PTPRK: variants seen among roughly 807,000 people sequenced by gnomAD.
The protein encoded by PTPRK is protein tyrosine phosphatase receptor type K.
PTPRK carries 75 observed loss-of-function variants against 178.0 expected under a neutral mutation model. That is an observed-to-expected ratio of 0.42 (90% CI 0.35 to 0.51). The LOEUF (loss-of-function observed/expected upper bound fraction) is 0.51, where lower values mean the gene tolerates loss of function less well. PTPRK is among the 20% of genes least tolerant of loss of function. PTPRK has a pLI of 0.02. For synonymous variants in PTPRK, 637 were observed against 620.6 expected (o/e 1.03, Z -0.39); for missense variants, 1,441 against 1,797.8 (o/e 0.80, Z 3.59).
intron 13 of PTPRK, chr6:128,062,084 T>C (rs1450605342): frequency 3.3e-5 from 5 of 152,302 alleles, no homozygotes; most frequent in African/African-American, 4.8e-5. Context: ...GAAAACTTTT[T>C]ATTTTCATAT....
intron 5 of PTPRK, among the ~76,000 whole-genome samples, chr6:128,221,133 C>T (rs1310112217): frequency 6.6e-6 from 1 of 152,080 alleles, no homozygotes; most frequent in Non-Finnish European, 1.5e-5. Flanking sequence ...GGTGGTGGTA[C>T]ATTAATGGCT....
At chr6:128,002,087 C>T (rs1449473964) in intron 15 of PTPRK, among the ~76,000 whole-genome samples, 2 of 151,512 alleles carry the variant, frequency 1.3e-5, no homozygotes, top group African/African-American at 2.4e-5. Context: ...AGAACATTGA[C>T]TTTTCAGATT....
chr6:128,132,363 A>G (rs1794383220), intron 7 of PTPRK, among the ~76,000 whole-genome samples: 1 of 152,112 alleles, frequency 6.6e-6, no homozygotes, highest in Non-Finnish European at 1.5e-5. Context: ...TTTAGTAGAG[A>G]TGGGGTTTCA....
intron 1 of PTPRK, among the ~76,000 whole-genome samples, chr6:128,439,820 C>T (rs928535008): frequency 6.6e-6 from 1 of 152,156 alleles, no homozygotes; most frequent in Non-Finnish European, 1.5e-5. Context: ...TGTGCTAATT[C>T]CAAGCTACTA....
chr6:128,443,904 G>A (rs1167120794), intron 1 of PTPRK, among the ~76,000 whole-genome samples: 1 of 152,058 alleles, frequency 6.6e-6, no homozygotes, highest in Non-Finnish European at 1.5e-5. Context: ...CCAAGCTGGA[G>A]TGCACTGGCA....
In PTPRK at chr6:128,165,775, T is replaced by C. The variant is rs556720397; in HGVS notation, c.1162+18657A>G. 9.2e-5 allele frequency among the ~76,000 whole-genome samples: 14 copies of C among 151,592 alleles called. No individual in the cohort carries two copies. In the East Asian group the frequency reaches 2.3e-3, roughly 25 times the overall value. ...TAAATTCATAAGGTACTATGAATACTCAAGCATTTATGAAAAATTAATGAA... is the reference window on the plus strand; with the variant it reads ...TAAATTCATAAGGTACTATGAATACCCAAGCATTTATGAAAAATTAATGAA... On this transcript the variant is annotated intron_variant, in intron 7 of 29. Coordinates refer to ENST00000368226, the MANE Select transcript of PTPRK (RefSeq NM_002844.4).
chr6:128,121,114 C>G (rs1265062326), intron 7 of PTPRK, among the ~76,000 whole-genome samples: 9 of 151,724 alleles, frequency 5.9e-5, no homozygotes, highest in Non-Finnish European at 1.3e-4. Context: ...AGTTGTAAAA[C>G]TATTACTATG....
chr6:128,311,896 C>T (rs946703195), intron 3 of PTPRK, among the ~76,000 whole-genome samples: 1 of 152,106 alleles, frequency 6.6e-6, no homozygotes, highest in African/African-American at 2.4e-5. Flanking sequence ...ATGACCAACA[C>T]TCCTATCACA....
Position 128,520,317 on chromosome 6 carries a change from C to T in PTPRK, c.42G>A (p.Ala14=). ...TAAAALPAFV[A]LLLLSPWPLL... ...GAGGCCAAGGAGAGAGGAGCAAGAG[C>T]GCCACAAAAGCAGGCAGCGCCGCCG... Residue 14 remains alanine, a synonymous_variant, in exon 1 of 30, where the codon GCG becomes GCA. Transcript: ENST00000368226. 6.2e-7 allele frequency: 1 copy of T among 1,610,488 alleles called. No individual in the cohort carries two copies. The highest frequency in any genetic ancestry group is 8.5e-7 in the Non-Finnish European group (1 of 1,178,428).
intron 1 of PTPRK, among the ~76,000 whole-genome samples, chr6:128,462,822 A>AT (rs1849251845): frequency 6.6e-6 from 1 of 151,354 alleles, no homozygotes; most frequent in African/African-American, 2.4e-5. Flanking sequence ...CACCCAGCTA[A>AT]TTTTTTGTAT....
At chr6:128,284,007 G>T (rs1398452198) in intron 3 of PTPRK, among the ~76,000 whole-genome samples, 3 of 152,122 alleles carry the variant, frequency 2.0e-5, no homozygotes, top group Admixed American at 1.3e-4. Flanking sequence ...TAAAATTTGA[G>T]GTTCTCTCTG....
chr6:128,008,749 C>T (rs141282367), intron 14 of PTPRK, among the ~76,000 whole-genome samples: 105 of 151,048 alleles, frequency 7.0e-4, no homozygotes, highest in Middle Eastern at 3.4e-3. Context: ...TAGAAAAATA[C>T]AGAAAAAGAG....
chr6:128,466,216 T>C (rs1584852540), intron 1 of PTPRK, among the ~76,000 whole-genome samples: 1 of 152,144 alleles, frequency 6.6e-6, no homozygotes, highest in African/African-American at 2.4e-5. Context: ...CTTCATAGTA[T>C]CTACTGCCAA....
intron 14 of PTPRK, among the ~76,000 whole-genome samples, chr6:128,006,209 T>C (rs1459090506): frequency 6.6e-6 from 1 of 151,046 alleles, no homozygotes; most frequent in Non-Finnish European, 1.5e-5. Flanking sequence ...TTCAATTTGC[T>C]CATGCATTGT....
At chr6:128,383,281 G>A (rs1423810164) in intron 2 of PTPRK, among the ~76,000 whole-genome samples, 1 of 151,802 alleles carries the variant, frequency 6.6e-6, no homozygotes, top group African/African-American at 2.4e-5. Context: ...CCAATACTGG[G>A]GCAAAGATCT....
At chr6:128,294,318 C>G (rs977074758) in intron 3 of PTPRK, among the ~76,000 whole-genome samples, 5 of 152,014 alleles carry the variant, frequency 3.3e-5, no homozygotes, top group African/African-American at 7.2e-5. Context: ...CACAGCCTTT[C>G]CTTCAAACAC....
At chr6:128,194,075 A>ATTATTC (rs1320165241) in intron 6 of PTPRK, among the ~76,000 whole-genome samples, 1 of 145,458 alleles carries the variant, frequency 6.9e-6, no homozygotes, top group Non-Finnish European at 1.5e-5. Flanking sequence ...TATTATTATT[A>ATTATTC]TTATTATTAT....
rs894652949 is a variant in PTPRK, at chr6:128,515,945, T to C, written c.100+4314A>G. Among the ~76,000 whole-genome samples, 95 of 152,164 alleles carry C rather than the reference T, an allele frequency of 6.2e-4. 2 individuals carry two copies. Among genetic ancestry groups the C allele is most frequent in the Admixed American group, 7.2e-4 (11 of 15,282 alleles). On this transcript the variant is annotated intron_variant, in intron 1 of 29. Coordinates refer to ENST00000368226, the MANE Select transcript of PTPRK (RefSeq NM_002844.4). ...ATTAGTAGCCAACACACTTTTTCTATATGGAATCTTATCACATGAATTAAA... is the reference window on the plus strand; with the variant it reads ...ATTAGTAGCCAACACACTTTTTCTACATGGAATCTTATCACATGAATTAAA...
intron 2 of PTPRK, among the ~76,000 whole-genome samples, chr6:128,323,575 T>C (rs1227925962): frequency 6.6e-6 from 1 of 152,166 alleles, no homozygotes; most frequent in African/African-American, 2.4e-5. Flanking sequence ...ACTACTAGTC[T>C]AACTTGTTCA....
Sources: allele counts gnomAD v4.1 joint callset (sites outside exome capture counted in the v4.1 genomes callset), GRCh38; gene constraint gnomAD v4.1.1; transcripts MANE v1.5; gene names NCBI Gene and HGNC (gene_info 2026-07-23, HGNC 2026-07-21).